Variants in PDGFC observed in about 807,000 individuals in gnomAD.
The protein encoded by PDGFC is platelet derived growth factor C.
In PDGFC, 12 loss-of-function variants were observed where a neutral mutation model predicts 35.5. That is an observed-to-expected ratio of 0.34 (90% CI 0.22 to 0.55). The LOEUF (loss-of-function observed/expected upper bound fraction) is 0.55. PDGFC is among the 20% of genes least tolerant of loss of function. The pLI, the probability that PDGFC is intolerant of heterozygous loss-of-function variation, is 0.91. For synonymous variants in PDGFC, 159 were observed against 148.8 expected (o/e 1.07, Z -0.50); for missense variants, 322 against 412.4 (o/e 0.78, Z 1.90).
intron 1 of PDGFC, among the ~76,000 whole-genome samples, chr4:156,890,452 G>A (rs963161584): frequency 2.0e-5 from 3 of 152,080 alleles, no homozygotes; most frequent in Admixed American, 2.0e-4. Flanking sequence ...TCTCTGTTTC[G>A]AATGCCCTTT....
At chr4:156,890,793 C>T (rs1579080318) in intron 1 of PDGFC, among the ~76,000 whole-genome samples, 1 of 152,070 alleles carries the variant, frequency 6.6e-6, no homozygotes, top group African/African-American at 2.4e-5. Flanking sequence ...GGTAAGGCAA[C>T]ATAATAGCAA....
At chr4:156,928,505 G>C (rs989914808) in intron 1 of PDGFC, among the ~76,000 whole-genome samples, 2 of 152,136 alleles carry the variant, frequency 1.3e-5, no homozygotes, top group Non-Finnish European at 2.9e-5. Flanking sequence ...TGAAACACAG[G>C]CTCAGAACAG....
At chr4:156,893,913 C>G (rs1210006138) in intron 1 of PDGFC, among the ~76,000 whole-genome samples, 1 of 152,094 alleles carries the variant, frequency 6.6e-6, no homozygotes, top group East Asian at 1.9e-4. Flanking sequence ...ATTTTTTTCT[C>G]TTTATTAGTT....
intron 1 of PDGFC, among the ~76,000 whole-genome samples, chr4:156,927,524 A>G (rs1290991812): frequency 6.6e-6 from 1 of 152,162 alleles, no homozygotes; most frequent in African/African-American, 2.4e-5. Flanking sequence ...AGATACCCTG[A>G]ATCATCTCTC....
chr4:156,937,697 C>CTAAA (rs1731716559), intron 1 of PDGFC, among the ~76,000 whole-genome samples: 1 of 152,066 alleles, frequency 6.6e-6, no homozygotes, highest in African/African-American at 2.4e-5. Flanking sequence ...CAAAACTTTT[C>CTAAA]TAAATAAATA....
In PDGFC at chr4:156,950,554, C is replaced by A. The variant is rs1732055239; in HGVS notation, c.118+20232G>T. On this transcript the variant is annotated intron_variant, in intron 1 of 5. Transcript: ENST00000502773. ...ATCCTTACTTTGAAGCCCTTATGCACACAAAATTTAAAATATTAATAAAAT... is the reference window on the plus strand; with the variant it reads ...ATCCTTACTTTGAAGCCCTTATGCAAACAAAATTTAAAATATTAATAAAAT... 3.3e-5 allele frequency among the ~76,000 whole-genome samples: 5 copies of A among 151,698 alleles called. No homozygotes were observed. In the South Asian group the frequency reaches 1.0e-3, roughly 31 times the overall value.
At chr4:156,824,623 G>A (rs577933953) in intron 2 of PDGFC, among the ~76,000 whole-genome samples, 2 of 152,156 alleles carry the variant, frequency 1.3e-5, no homozygotes, top group South Asian at 2.1e-4. Context: ...CCTGACATAA[G>A]TGATTACCTA....
intron 3 of PDGFC, among the ~76,000 whole-genome samples, chr4:156,795,100 G>A (rs963794967): frequency 6.6e-6 from 1 of 152,144 alleles, no homozygotes; most frequent in East Asian, 1.9e-4. Context: ...CACTTACCAA[G>A]AGACACTTGT....
intron 1 of PDGFC, among the ~76,000 whole-genome samples, chr4:156,953,050 T>C (rs1296423841): frequency 6.6e-6 from 1 of 151,938 alleles, no homozygotes; most frequent in Non-Finnish European, 1.5e-5. Context: ...CTAAGCACAA[T>C]GTTTAAATAA....
chr4:156,791,573 T>C (rs901653323), intron 3 of PDGFC, among the ~76,000 whole-genome samples: 1 of 152,094 alleles, frequency 6.6e-6, no homozygotes, highest in Non-Finnish European at 1.5e-5. Context: ...TTATTTAAGA[T>C]AAAGCTTGAA....
chr4:156,903,853 G>T (rs958581366), intron 1 of PDGFC, among the ~76,000 whole-genome samples: 1 of 152,080 alleles, frequency 6.6e-6, no homozygotes, highest in African/African-American at 2.4e-5. Flanking sequence ...ATTACCTATA[G>T]TTTGGCAGGA....
intron 3 of PDGFC, among the ~76,000 whole-genome samples, chr4:156,805,232 C>G (rs1026499670): frequency 7.9e-5 from 12 of 151,910 alleles, no homozygotes; most frequent in African/African-American, 2.9e-4. Flanking sequence ...TCTCAAGACT[C>G]CTTGCATAAA....
chr4:156,779,234 A>C (rs921827721), intron 3 of PDGFC: 5 of 448,366 alleles, frequency 1.1e-5, no homozygotes, highest in Admixed American at 4.9e-5. Flanking sequence ...TCTTATCCGA[A>C]TTCATTCAAA....
chr4:156,819,003 G>C (rs2110970974), intron 2 of PDGFC, among the ~76,000 whole-genome samples: 1 of 152,280 alleles, frequency 6.6e-6, no homozygotes, highest in East Asian at 1.9e-4. Context: ...ATGTGCCACA[G>C]CATTCCTAAG....
chr4:156,935,465 T>C (rs1365143912), intron 1 of PDGFC, among the ~76,000 whole-genome samples: 4 of 152,208 alleles, frequency 2.6e-5, no homozygotes, highest in African/African-American at 9.6e-5. Context: ...AGGAGGTTTG[T>C]TTCCACCAGC....
At chr4:156,884,128 T>C (rs78321609) in intron 1 of PDGFC, among the ~76,000 whole-genome samples, 9,347 of 152,290 alleles carry the variant, frequency 0.061, 383 homozygotes, top group Middle Eastern at 0.11. Context: ...ACAAGATGCA[T>C]TTCCTAAAGC....
At chr4:156,771,492 T>C (rs951476549) in intron 4 of PDGFC, among the ~76,000 whole-genome samples, 6 of 152,162 alleles carry the variant, frequency 3.9e-5, no homozygotes, top group Middle Eastern at 3.2e-3. Context: ...TCAAATCTTA[T>C]AAATATGTAA....
At chr4:156,954,264 A>G (rs1482766310) in intron 1 of PDGFC, among the ~76,000 whole-genome samples, 1 of 151,968 alleles carries the variant, frequency 6.6e-6, no homozygotes, top group Non-Finnish European at 1.5e-5. Context: ...TTCTGCCCAT[A>G]ATCTCATAGG....
chr4:156,784,393 CA>C (rs1223630626), intron 3 of PDGFC, among the ~76,000 whole-genome samples: 1 of 151,984 alleles, frequency 6.6e-6, no homozygotes, highest in Non-Finnish European at 1.5e-5. Context: ...AGAATAACAT[CA>C]AAGTAATGGA....
Sources: gnomAD v4.1 joint callset for allele counts (sites outside exome capture counted in the v4.1 genomes callset) on GRCh38, gnomAD v4.1.1 for gene constraint, MANE v1.5 for transcripts, NCBI Gene and HGNC (gene_info 2026-07-23, HGNC 2026-07-21) for gene names.